The following EPB41 variants were observed in gnomAD, a reference collection of about 807,000 sequenced individuals.
The protein encoded by EPB41 is erythrocyte membrane protein band 4.1.
Under a neutral mutation model 108.0 loss-of-function variants are expected in EPB41, and 65 were observed. That is an observed-to-expected ratio of 0.60 (90% CI 0.49 to 0.74). EPB41 has a LOEUF of 0.74. Ranked by LOEUF, EPB41 falls within the 30% of genes least tolerant of loss-of-function variation. EPB41 has a pLI of 0.00. For synonymous variants in EPB41, 336 were observed against 358.9 expected (o/e 0.94, Z 0.72); for missense variants, 875 against 1,037.0 (o/e 0.84, Z 2.15).
intron 2 of EPB41, 93 bp from the exon 3 acceptor site, chr1:28,993,237 C>T: frequency 9.7e-7 from 1 of 1,031,278 alleles, no homozygotes; most frequent in Non-Finnish European, 1.5e-6. Flanking sequence ...TTAGTTCATG[C>T]TTTTATTGGT....
intron 16 of EPB41, chr1:29,072,593 G>C (rs1651961259): frequency 6.6e-6 from 1 of 152,114 alleles, no homozygotes; most frequent in South Asian, 2.1e-4. Flanking sequence ...TCAGTTTTCT[G>C]AAATGCAGCA....
At chr1:28,897,850 G>T (rs963138233) in intron 1 of EPB41, among the ~76,000 whole-genome samples, 1 of 152,146 alleles carries the variant, frequency 6.6e-6, no homozygotes, top group Admixed American at 6.5e-5. Flanking sequence ...GAGCTGATGG[G>T]CTAGGTTCTG....
intron 1 of EPB41, among the ~76,000 whole-genome samples, chr1:28,920,290 C>G (rs1322015190): frequency 6.6e-6 from 1 of 152,140 alleles, no homozygotes; most frequent in Non-Finnish European, 1.5e-5. Context: ...ACACCTCCAT[C>G]TTTTTTTGGA....
chr1:29,007,760 A>G (rs1277093022), intron 4 of EPB41, among the ~76,000 whole-genome samples: 1 of 151,888 alleles, frequency 6.6e-6, no homozygotes, highest in Non-Finnish European at 1.5e-5. Flanking sequence ...CTTCTCCTCA[A>G]TTTACTTCTC....
At chr1:29,072,521 T>A (rs1033029068) in intron 16 of EPB41, 17 of 152,248 alleles carry the variant, frequency 1.1e-4, no homozygotes, top group Admixed American at 2.6e-4. Context: ...CACCCTGAAT[T>A]TTATTTCTCT....
chr1:29,014,557 T>C (rs1456598205), intron 5 of EPB41, among the ~76,000 whole-genome samples: 2 of 151,700 alleles, frequency 1.3e-5, no homozygotes, highest in Non-Finnish European at 2.9e-5. Flanking sequence ...ATATGATATA[T>C]ATTTTAAATA....
intron 1 of EPB41, among the ~76,000 whole-genome samples, chr1:28,906,078 CA>C (rs1486668353): frequency 6.6e-6 from 1 of 152,138 alleles, no homozygotes; most frequent in Non-Finnish European, 1.5e-5. Context: ...CTCGGCCTCC[CA>C]AAGTGTTGGG....
At chr1:28,934,335 G>C (rs761991569) in intron 1 of EPB41, among the ~76,000 whole-genome samples, 3 of 152,054 alleles carry the variant, frequency 2.0e-5, no homozygotes, top group Non-Finnish European at 2.9e-5. Context: ...AGTTTATCAG[G>C]TTTCTCTGCT....
intron 1 of EPB41, among the ~76,000 whole-genome samples, chr1:28,945,357 C>T (rs2094454599): frequency 6.6e-6 from 1 of 151,974 alleles, no homozygotes; most frequent in African/African-American, 2.4e-5. Context: ...GGTGTTATAT[C>T]GATAAAGACG....
At position 28,929,822 on chromosome 1, in the gene EPB41, C is replaced by T. The variant is rs1251641790; in HGVS notation, c.-8+15054C>T. ...GTGCTGGGATTACAGGCGTGAGCCA[C>T]CGCGCCTGGCACTGGGCCTTCTTTT... On this transcript the variant is annotated intron_variant, in intron 1 of 20. Coordinates refer to ENST00000343067, the MANE Select transcript of EPB41 (RefSeq NM_001376013.1). 2.7e-5 allele frequency among the ~76,000 whole-genome samples: 4 copies of T among 150,544 alleles called. No homozygotes were observed. The East Asian group carries it at 7.8e-4, about 30-fold the overall frequency.
At chr1:29,052,822 CTA>C (rs1644748460) in intron 11 of EPB41, among the ~76,000 whole-genome samples, 1 of 152,010 alleles carries the variant, frequency 6.6e-6, no homozygotes. Context: ...AATGGATTTT[CTA>C]TTTCTTTTCT....
intron 16 of EPB41, among the ~76,000 whole-genome samples, chr1:29,083,191 G>A (rs772050130): frequency 1.3e-5 from 2 of 151,358 alleles, no homozygotes; most frequent in African/African-American, 4.9e-5. Context: ...AAAAAAAGGC[G>A]AGAGAGGGTA....
intron 2 of EPB41, among the ~76,000 whole-genome samples, chr1:28,988,680 A>T (rs1005205349): frequency 4.6e-5 from 7 of 152,152 alleles, no homozygotes; most frequent in African/African-American, 1.7e-4. Flanking sequence ...ACTCTAAAAA[A>T]ATTAATGTAG....
chr1:28,930,272 G>A (rs573290230), intron 1 of EPB41, among the ~76,000 whole-genome samples: 8 of 140,840 alleles, frequency 5.7e-5, no homozygotes, highest in Admixed American at 2.2e-4. Context: ...TCCTACCGCC[G>A]CAGCCTTCTG....
chr1:29,099,683 T>C (rs1170417504), intron 17 of EPB41, among the ~76,000 whole-genome samples: 2 of 152,250 alleles, frequency 1.3e-5, no homozygotes, highest in East Asian at 3.8e-4. Flanking sequence ...TTATGTTGAA[T>C]TGTTTTTCTT....
intron 16 of EPB41, chr1:29,071,686 G>A (rs191923731): frequency 1.8e-4 from 19 of 104,634 alleles, no homozygotes; most frequent in Admixed American, 9.2e-4. Context: ...TGAAGTAAAT[G>A]TGGGCACTCT....
intron 2 of EPB41, among the ~76,000 whole-genome samples, chr1:28,988,884 A>T (rs879777572): frequency 6.6e-6 from 1 of 151,818 alleles, no homozygotes; most frequent in African/African-American, 2.4e-5. Context: ...AATAGTAGAG[A>T]AAAAAAAAGT....
intron 1 of EPB41, among the ~76,000 whole-genome samples, chr1:28,973,935 T>C (rs749566785): frequency 7.9e-5 from 12 of 152,234 alleles, no homozygotes; most frequent in Non-Finnish European, 1.5e-4. Flanking sequence ...CTTTGTAATT[T>C]CTGTGGGCTA....
intron 1 of EPB41, among the ~76,000 whole-genome samples, chr1:28,972,501 A>G (rs556160305): frequency 6.6e-6 from 1 of 152,342 alleles, no homozygotes; most frequent in Admixed American, 6.5e-5. Flanking sequence ...GAGTTGATTC[A>G]GCGGTATTAG....
Sources: gnomAD v4.1 joint callset for allele counts (sites outside exome capture counted in the v4.1 genomes callset) on GRCh38, gnomAD v4.1.1 for gene constraint, MANE v1.5 for transcripts, NCBI Gene and HGNC (gene_info 2026-07-23, HGNC 2026-07-21) for gene names.